Variants in COLEC12 observed in about 807,000 individuals in gnomAD.
The protein encoded by COLEC12 is collectin subfamily member 12.
In COLEC12, 33 loss-of-function variants were observed where a neutral mutation model predicts 71.1. The observed-to-expected ratio is 0.46, with a 90% confidence interval of 0.35 to 0.62. The LOEUF (loss-of-function observed/expected upper bound fraction) is 0.62, where lower values mean the gene tolerates loss of function less well. COLEC12 is among the 20% of genes least tolerant of loss of function. The pLI is 0.00. For missense variants in COLEC12, 765 were observed against 916.1 expected (o/e 0.84, Z 2.13); for synonymous variants, 350 against 353.0 (o/e 0.99, Z 0.10).
At chr18:433,795 C>G (rs771277409) in intron 2 of COLEC12, among the ~76,000 whole-genome samples, 17 of 152,104 alleles carry the variant, frequency 1.1e-4, no homozygotes, top group Non-Finnish European at 1.9e-4. Context: ...GAAACCCTGT[C>G]TCTACAAAAA....
chr18:321,390 A>G (rs1913700889), intron 9 of COLEC12, among the ~76,000 whole-genome samples: 1 of 152,208 alleles, frequency 6.6e-6, no homozygotes, highest in Non-Finnish European at 1.5e-5. Context: ...CTCACAATAT[A>G]AGATACTTAT....
At chr18:434,055 G>T (rs1916357139) in intron 2 of COLEC12, among the ~76,000 whole-genome samples, 3 of 151,318 alleles carry the variant, frequency 2.0e-5, no homozygotes, top group Admixed American at 2.0e-4. Context: ...GAAGAGAAGA[G>T]CCAAATACCC....
chr18:442,002 TACACACACACACACACACACACACAC>T (rs56024245), intron 2 of COLEC12, among the ~76,000 whole-genome samples: 5 of 120,744 alleles, frequency 4.1e-5, no homozygotes, highest in Non-Finnish European at 6.5e-5. Context: ...TCTCTCTCTC[TACACACACACACACACACACACACAC>T]ACACACACAC....
Position 362,918 on chromosome 18 carries a change from CCTT to C in COLEC12, c.59-5399_59-5397del, listed in dbSNP as rs1914777513. 6.6e-6 allele frequency among the ~76,000 whole-genome samples: 1 copy of C among 152,154 alleles called. No homozygotes were observed. Among genetic ancestry groups the C allele is most frequent in the Non-Finnish European group, 1.5e-5 (1 of 68,030 alleles). On this transcript the variant is annotated intron_variant, in intron 2 of 9. Coordinates refer to ENST00000400256, the MANE Select transcript of COLEC12 (RefSeq NM_130386.3). This position sits in a 1 kb window ranked among gnomAD's most constrained non-coding sequence, Gnocchi z 4.6. ...GAAGCCAAAATCGCTCTGGTTAACT[CCTT>C]GAGTATTCCATGGAAGTTCAGAATA... is the stretch of plus-strand genomic sequence containing the variant.
In COLEC12 at chr18:320,043, C is replaced by T. The variant is rs879124076; in HGVS notation, c.*2G>A. 19 of 1,549,890 alleles carry T rather than the reference C, an allele frequency of 1.2e-5. No homozygotes were observed. The highest frequency in any genetic ancestry group is 5.9e-5 in the South Asian group (5 of 85,056). ...TTGCTCATGTGATCCCATCACAGTC[C>T]GTTATAATGCAGATGACAGTACTAA... On this transcript the variant is annotated 3_prime_UTR_variant, in exon 10 of 10. Coordinates refer to ENST00000400256, the MANE Select transcript of COLEC12 (RefSeq NM_130386.3).
intron 1 of COLEC12, among the ~76,000 whole-genome samples, chr18:486,710 G>A (rs565584798): frequency 1.3e-5 from 2 of 152,298 alleles, no homozygotes; most frequent in South Asian, 4.1e-4. Context: ...TGATATTGCA[G>A]AATCCTGAAC....
chr18:374,302 A>G (rs935858128), intron 2 of COLEC12, among the ~76,000 whole-genome samples: 2 of 152,230 alleles, frequency 1.3e-5, no homozygotes, highest in African/African-American at 4.8e-5. Context: ...TGGACTTTTA[A>G]TATTAGGGAA....
chr18:325,627 CTTTTTTTTTTTTTTT>C (rs760407917), intron 8 of COLEC12, among the ~76,000 whole-genome samples: 10 of 51,834 alleles, frequency 1.9e-4, no homozygotes, highest in Non-Finnish European at 1.9e-4. Context: ...AAGGATCAGC[CTTTTTTTTTTTTTTT>C]TTTTTTTTTT....
chr18:393,108 G>A (rs1251653395), intron 2 of COLEC12, among the ~76,000 whole-genome samples: 1 of 152,224 alleles, frequency 6.6e-6, no homozygotes, highest in Non-Finnish European at 1.5e-5. Flanking sequence ...GCAGGCTTAG[G>A]CTGAATTGTT....
At chr18:472,828 G>A (rs988258800) in intron 2 of COLEC12, among the ~76,000 whole-genome samples, 2 of 151,912 alleles carry the variant, frequency 1.3e-5, no homozygotes, top group African/African-American at 4.8e-5. Context: ...TTGAGGGAGG[G>A]AGGGAATAAG....
chr18:485,647 T>C (rs1439585698), intron 1 of COLEC12, among the ~76,000 whole-genome samples: 2 of 152,256 alleles, frequency 1.3e-5, no homozygotes, highest in East Asian at 3.8e-4. Context: ...ACAGAGAATG[T>C]TGAACAGAAT....
intron 2 of COLEC12, among the ~76,000 whole-genome samples, chr18:371,778 C>G (rs1283142758): frequency 6.6e-6 from 1 of 152,152 alleles, no homozygotes; most frequent in Admixed American, 6.6e-5. Flanking sequence ...GGCAAAGGAT[C>G]TGTGCTTTGC....
intron 2 of COLEC12, among the ~76,000 whole-genome samples, chr18:425,059 T>C (rs1222028918): frequency 2.0e-5 from 3 of 152,182 alleles, no homozygotes; most frequent in African/African-American, 4.8e-5. Context: ...ATCAGGCTAT[T>C]GCCTCTAGGG....
chr18:476,464 T>C lies in COLEC12; in HGVS notation c.58+4243A>G, dbSNP rs117720603. On this transcript the variant is annotated intron_variant, in intron 2 of 9. Transcript: ENST00000400256. ...CCCGTGATTTTCACAGGCTGAACCA[T>C]GTATCTCTTGCTTCTCCATCATCCT... Among the ~76,000 whole-genome samples the C allele has an allele frequency of 6.7e-3, 1,023 of 152,364 alleles. 6 individuals carry two copies. The highest frequency in any genetic ancestry group is 0.01 in the Non-Finnish European group (691 of 68,024).
intron 2 of COLEC12, among the ~76,000 whole-genome samples, chr18:426,780 A>G (rs947431661): frequency 6.6e-6 from 1 of 152,130 alleles, no homozygotes; most frequent in Non-Finnish European, 1.5e-5. Flanking sequence ...ATTTCTTTCA[A>G]CAATCATAAG....
chr18:492,820 T>C (rs1917641612), intron 1 of COLEC12, among the ~76,000 whole-genome samples: 1 of 152,214 alleles, frequency 6.6e-6, no homozygotes, highest in South Asian at 2.1e-4. Flanking sequence ...TATTTACAAA[T>C]GTTGGACCAA....
chr18:467,207 CAG>C (rs1156870175), intron 2 of COLEC12, among the ~76,000 whole-genome samples: 1 of 152,054 alleles, frequency 6.6e-6, no homozygotes, highest in East Asian at 1.9e-4. Context: ...TCCAAAAAGG[CAG>C]AGAATGAGAG....
chr18:400,567 G>A lies in COLEC12; in HGVS notation c.59-43045C>T, dbSNP rs115370931. Among the ~76,000 whole-genome samples the A allele has an allele frequency of 1.4e-3, 220 of 152,232 alleles. 2 individuals are homozygous for A. Among genetic ancestry groups the A allele is most frequent in the African/African-American group, 5.1e-3 (211 of 41,524 alleles). On this transcript the variant is annotated intron_variant, in intron 2 of 9. Transcript: ENST00000400256. The stretch of plus-strand genomic sequence containing the variant: ...TCTTCCACTGAGTAGCATTTCAGCC[G>A]TATTGTGCAAACCCAGAGGTTGCGC...
At chr18:419,489 GC>G (rs1243199552) in intron 2 of COLEC12, among the ~76,000 whole-genome samples, 2 of 152,118 alleles carry the variant, frequency 1.3e-5, no homozygotes, top group Non-Finnish European at 2.9e-5. Context: ...ACAGGTGAGA[GC>G]CACTGTGCCC....
Sources: allele counts gnomAD v4.1 joint callset (sites outside exome capture counted in the v4.1 genomes callset), GRCh38; gene constraint gnomAD v4.1.1; non-coding constraint Gnocchi (gnomAD v3.1); transcripts MANE v1.5; gene names NCBI Gene and HGNC (gene_info 2026-07-23, HGNC 2026-07-21).